Variants in TMOD3 observed in about 807,000 individuals in gnomAD.
The protein encoded by TMOD3 is tropomodulin 3.
TMOD3 carries 20 observed loss-of-function variants against 39.2 expected under a neutral mutation model. The observed-to-expected ratio is 0.51, with a 90% CI of 0.36 to 0.74. TMOD3 has a LOEUF of 0.74. TMOD3 is among the 30% of genes least tolerant of loss of function. The probability of loss-of-function intolerance (pLI) is 0.00; values close to 1 mark genes in which losing one functional copy is unlikely to be tolerated. For missense variants in TMOD3, 381 were observed against 412.8 expected (o/e 0.92, Z 0.67); for synonymous variants, 143 against 145.8 (o/e 0.98, Z 0.14).
intron 3 of TMOD3, among the ~76,000 whole-genome samples, chr15:51,886,416 G>A (rs1353878036): frequency 1.3e-5 from 2 of 152,252 alleles, no homozygotes; most frequent in Middle Eastern, 3.2e-3. Context: ...TGCAATCCCG[G>A]CACCTCGGGA....
At chr15:51,895,560 C>T (rs2056616407) in intron 6 of TMOD3, among the ~76,000 whole-genome samples, 1 of 151,980 alleles carries the variant, frequency 6.6e-6, no homozygotes, top group South Asian at 2.1e-4. Context: ...GTATCCCTTT[C>T]TCTAAATAAA....
intron 1 of TMOD3, among the ~76,000 whole-genome samples, chr15:51,834,697 G>A (rs181581020): frequency 4.5e-4 from 68 of 152,246 alleles, no homozygotes; most frequent in Admixed American, 3.0e-3. Flanking sequence ...CGGAAGTACT[G>A]GCATGCACCT....
At chr15:51,876,416 A>G (rs1357703329) in intron 3 of TMOD3, among the ~76,000 whole-genome samples, 2 of 150,568 alleles carry the variant, frequency 1.3e-5, no homozygotes, top group African/African-American at 2.4e-5. Context: ...CACCCACCTC[A>G]GCCCCCTGAG....
intron 3 of TMOD3, among the ~76,000 whole-genome samples, chr15:51,887,220 CA>C (rs35718814): frequency 0.075 from 7,821 of 104,584 alleles, 487 homozygotes; most frequent in African/African-American, 0.18. Flanking sequence ...GACTCCATCT[CA>C]AAAAAAAAAA....
At chr15:51,876,144 G>A (rs188811156) in intron 3 of TMOD3, among the ~76,000 whole-genome samples, 74 of 152,058 alleles carry the variant, frequency 4.9e-4, no homozygotes, top group Non-Finnish European at 8.2e-4. Flanking sequence ...TATTTGTCCT[G>A]TCTGTTCTTT....
intron 1 of TMOD3, among the ~76,000 whole-genome samples, chr15:51,848,313 G>A (rs572314416): frequency 1.3e-5 from 2 of 152,154 alleles, no homozygotes; most frequent in African/African-American, 4.8e-5. Flanking sequence ...CCTTGCCTTT[G>A]AGGAATCTGC....
chr15:51,854,688 C>T (rs920208288), intron 1 of TMOD3, among the ~76,000 whole-genome samples: 8 of 152,130 alleles, frequency 5.3e-5, no homozygotes, highest in African/African-American at 1.9e-4. Context: ...GCTGTCGGGC[C>T]TCCTAGTGTT....
intron 1 of TMOD3, among the ~76,000 whole-genome samples, chr15:51,843,201 C>T (rs1163731036): frequency 2.6e-5 from 4 of 152,000 alleles, no homozygotes; most frequent in Non-Finnish European, 4.4e-5. Context: ...AATTGTGCAG[C>T]GTGTGGATAA....
intron 5 of TMOD3, among the ~76,000 whole-genome samples, chr15:51,893,419 TGAGA>T (rs956691773): frequency 6.6e-6 from 1 of 151,370 alleles, no homozygotes; most frequent in Non-Finnish European, 1.5e-5. Flanking sequence ...TATGCGTGTA[TGAGA>T]GAGAGAGAAA....
intron 7 of TMOD3, among the ~76,000 whole-genome samples, chr15:51,898,564 A>C (rs2056633072): frequency 6.6e-6 from 1 of 152,210 alleles, no homozygotes; most frequent in African/African-American, 2.4e-5. Context: ...ATAATAGACC[A>C]TCAGTAATAT....
intron 1 of TMOD3, among the ~76,000 whole-genome samples, chr15:51,832,009 C>G (rs1245620300): frequency 2.0e-5 from 3 of 151,400 alleles, no homozygotes; most frequent in Admixed American, 1.3e-4. Flanking sequence ...ATAGCAAGAC[C>G]CTGTCTCTAC....
rs1346948319 is a variant in TMOD3, at chr15:51,913,307, T to A, written c.*4497T>A. 2.8e-4 allele frequency: 43 copies of A among 152,244 alleles called. No individual in the cohort carries two copies. Among genetic ancestry groups the A allele is most frequent in the Admixed American group, 2.8e-3 (43 of 15,284 alleles). The allele number at this position is 152,244 out of a possible 1,614,324, so 9.4% of individuals were successfully genotyped here. On this transcript the variant is annotated 3_prime_UTR_variant, in exon 10 of 10. Transcript: ENST00000308580. ...ATTTTAATTTGGTCATTCTTAGATC[T>A]ACAGATTGAACATCCCTAATTGAAA...
intron 5 of TMOD3, among the ~76,000 whole-genome samples, chr15:51,893,606 A>G (rs1458777247): frequency 6.6e-6 from 1 of 152,134 alleles, no homozygotes. Flanking sequence ...TCTACTAAAA[A>G]TACAAAAAAT....
chr15:51,902,799 G>A (rs1281594745), intron 9 of TMOD3, among the ~76,000 whole-genome samples: 11 of 152,126 alleles, frequency 7.2e-5, no homozygotes, highest in Non-Finnish European at 1.2e-4. Flanking sequence ...ACAGGCGCCC[G>A]CCACCTCGCC....
intron 1 of TMOD3, among the ~76,000 whole-genome samples, chr15:51,835,257 A>G (rs2056276714): frequency 6.6e-6 from 1 of 152,186 alleles, no homozygotes; most frequent in African/African-American, 2.4e-5. Context: ...CTTGATCTAA[A>G]TAGATGCAAT....
chr15:51,854,910 T>A (rs1308430751), intron 1 of TMOD3, among the ~76,000 whole-genome samples: 1 of 152,100 alleles, frequency 6.6e-6, no homozygotes, highest in African/African-American at 2.4e-5. Flanking sequence ...CATTAAAAAA[T>A]TAGCATGGTC....
intron 1 of TMOD3, among the ~76,000 whole-genome samples, chr15:51,843,790 T>C (rs1426192250): frequency 6.6e-6 from 1 of 152,132 alleles, no homozygotes; most frequent in Non-Finnish European, 1.5e-5. Flanking sequence ...AGTTTCAGGA[T>C]TTCAATTAAA....
chr15:51,893,741 G>T lies in TMOD3; in HGVS notation c.497-74G>T, dbSNP rs571115568. On this transcript the variant is annotated intron_variant, in intron 5 of 9. Coordinates refer to ENST00000308580, the MANE Select transcript of TMOD3 (RefSeq NM_014547.5). The stretch of plus-strand genomic sequence containing the variant: ...GATCGTGCCACTGCACTCCGGCCTG[G>T]GCGAAAGTGCGAGACTCCGTCTCAA... 267 of 1,369,110 alleles carry T rather than the reference G, an allele frequency of 2.0e-4. No homozygotes were observed. The South Asian group carries it at 3.3e-3, about 17-fold the overall frequency. 84.8% of individuals were successfully genotyped at this position (1,369,110 alleles called of 1,614,324 possible).
At chr15:51,838,496 G>C (rs1274617964) in intron 1 of TMOD3, among the ~76,000 whole-genome samples, 1 of 152,076 alleles carries the variant, frequency 6.6e-6, no homozygotes, top group Non-Finnish European at 1.5e-5. Flanking sequence ...TGAGGTCCGT[G>C]AAATGACCTA....
Sources: gnomAD v4.1 joint callset for allele counts (sites outside exome capture counted in the v4.1 genomes callset) on GRCh38, gnomAD v4.1.1 for gene constraint, MANE v1.5 for transcripts, NCBI Gene and HGNC (gene_info 2026-07-23, HGNC 2026-07-21) for gene names.